The following CEP85 variants were observed in gnomAD, a reference collection of about 807,000 sequenced individuals.
CEP85 encodes the protein centrosomal protein 85, also known as centrosomal protein of 85 kDa.
CEP85 carries 58 observed loss-of-function variants against 93.7 expected under a neutral mutation model. The observed-to-expected ratio is 0.62, with a 90% CI of 0.50 to 0.77. The LOEUF (loss-of-function observed/expected upper bound fraction) is 0.77. CEP85 is among the 30% of genes least tolerant of loss of function. The pLI, the probability that CEP85 is intolerant of heterozygous loss-of-function variation, is 0.00. For synonymous variants in CEP85, 314 were observed against 338.6 expected, an observed-to-expected ratio of 0.93 and a Z score of 0.80; for missense variants, 868 against 922.0, an observed-to-expected ratio of 0.94 and a Z score of 0.76.
At chr1:26,262,563 A>G (rs892105035) in intron 7 of CEP85, among the ~76,000 whole-genome samples, 1 of 152,146 alleles carries the variant, frequency 6.6e-6, no homozygotes, top group Non-Finnish European at 1.5e-5. Flanking sequence ...CTGACAAAGA[A>G]ATGACACTAA....
intron 7 of CEP85, among the ~76,000 whole-genome samples, chr1:26,265,345 C>G (rs952694388): frequency 2.6e-5 from 4 of 151,650 alleles, no homozygotes; most frequent in Non-Finnish European, 5.9e-5. Flanking sequence ...TCTTGAACTC[C>G]TGGCCTCAAT....
At chr1:26,262,043 T>C (rs2089818296) in intron 7 of CEP85, among the ~76,000 whole-genome samples, 1 of 151,936 alleles carries the variant, frequency 6.6e-6, no homozygotes, top group Non-Finnish European at 1.5e-5. Context: ...CACGATGGCT[T>C]ACACCTGTAA....
At chr1:26,266,249 A>G (rs989239516) in intron 7 of CEP85, among the ~76,000 whole-genome samples, 2 of 152,162 alleles carry the variant, frequency 1.3e-5, no homozygotes, top group Non-Finnish European at 2.9e-5. Flanking sequence ...TTAGCTGGGC[A>G]TGGTGGTACA....
rs147375342 is a variant in CEP85 at position 26,274,966 on chromosome 1, C to T, written c.1797C>T (p.Ser599=). Residue 599 remains serine (S), a splice_region_variant and synonymous_variant, in exon 12 of 14, where the codon AGC becomes AGT. Coordinates refer to ENST00000451429, the MANE Select transcript of CEP85 (RefSeq NM_001319944.2). ...KMDQLRSQVQ[S]LEQEVAQEEG... is the part of the protein sequence containing the mutation. ...CAACATCTTGCTGTGTGATTCAGAGCCTAGAGCAGGAAGTGGCTCAAGAAG... is the reference window on the plus strand; with the variant it reads ...CAACATCTTGCTGTGTGATTCAGAGTCTAGAGCAGGAAGTGGCTCAAGAAG... The T allele has an allele frequency of 2.6e-5, 41 of 1,565,078 alleles. No individual in the cohort carries two copies. The African/African-American group carries it at 3.8e-4, about 15-fold the overall frequency.
At chr1:26,275,805 C>G (rs530479442) in intron 12 of CEP85, among the ~76,000 whole-genome samples, 1 of 152,260 alleles carries the variant, frequency 6.6e-6, no homozygotes, top group South Asian at 2.1e-4. Flanking sequence ...GGTGGAGGGC[C>G]TGGGACTGAA....
Position 26,277,130 on chromosome 1 carries a change from C to T in CEP85, c.2129-6C>T, listed in dbSNP as rs763442234. On this transcript the variant is annotated splice_polypyrimidine_tract_variant and splice_region_variant and intron_variant, in intron 13 of 13. Transcript: ENST00000451429. The stretch of plus-strand genomic sequence containing the variant: ...CATTCTCTTGAAATGCTCTTCTCCC[C>T]AGCAGCACAGCACCCAGAGACTCAG... The T allele has an allele frequency of 4.3e-6, 7 of 1,611,700 alleles. No homozygotes were observed. Among genetic ancestry groups the T allele is most frequent in the Non-Finnish European group, 5.9e-6 (7 of 1,177,888 alleles).
At chr1:26,243,768 G>C (rs2089463732) in intron 2 of CEP85, among the ~76,000 whole-genome samples, 1 of 152,162 alleles carries the variant, frequency 6.6e-6, no homozygotes, top group Non-Finnish European at 1.5e-5. Context: ...GGGAGGCCAA[G>C]GCGGGTGGAT....
rs532661750 is a variant in CEP85 at position 26,243,117 on chromosome 1, G to A, written c.56-1049G>A. ...ATTGAGGGTACCCTGGTTCAGTGAA[G>A]CAGTGATTTTCTTTTTTTTTTTTTT... On this transcript the variant is annotated intron_variant, in intron 2 of 13. Transcript: ENST00000451429. Among the ~76,000 whole-genome samples the A allele has an allele frequency of 5.2e-4, 71 of 136,498 alleles. 1 individual carries two copies. Among genetic ancestry groups the A allele is most frequent in the African/African-American group, 1.5e-3 (54 of 36,022 alleles). 89.5% of individuals were successfully genotyped at this position (136,498 alleles called of 152,430 possible). A position where few individuals can be genotyped will look rare whatever the true frequency, so the allele number is the denominator to read the frequency against.
At chr1:26,262,932 T>A (rs375777398) in intron 7 of CEP85, 1 of 152,386 alleles carries the variant, frequency 6.6e-6, no homozygotes, top group East Asian at 1.9e-4. Flanking sequence ...AGATGGGGTT[T>A]CACCATGTTG....
chr1:26,250,695 C>T (rs975492879), intron 3 of CEP85, among the ~76,000 whole-genome samples: 15 of 152,032 alleles, frequency 9.9e-5, no homozygotes, highest in African/African-American at 3.4e-4. Context: ...TTCTTCTTGG[C>T]TTTGGTTTTG....
chr1:26,262,041 C>T (rs2089818194), intron 7 of CEP85, among the ~76,000 whole-genome samples: 1 of 152,124 alleles, frequency 6.6e-6, no homozygotes, highest in African/African-American at 2.4e-5. Context: ...GGCACGATGG[C>T]TTACACCTGT....
chr1:26,262,539 G>C (rs2089827832), intron 7 of CEP85, among the ~76,000 whole-genome samples: 1 of 151,928 alleles, frequency 6.6e-6, no homozygotes, highest in South Asian at 2.1e-4. Context: ...CTGTTGGAAG[G>C]GGAAAAGTCC....
At position 26,277,429 on chromosome 1, in the gene CEP85, C is replaced by A; in HGVS notation, c.*136C>A. On this transcript the variant is annotated 3_prime_UTR_variant, in exon 14 of 14. Coordinates refer to ENST00000451429, the MANE Select transcript of CEP85 (RefSeq NM_001319944.2). ...GAGGGGAGAGCCTGCATCTGGGGGC[C>A]AAGGGCTGATTAGGGAACTGTGTCC... 3 of 777,220 alleles carry A rather than the reference C, an allele frequency of 3.9e-6. No individual in the cohort carries two copies. Among genetic ancestry groups the A allele is most frequent in the Non-Finnish European group, 4.1e-6 (2 of 482,092 alleles). 48.1% of individuals were successfully genotyped at this position (777,220 alleles called of 1,614,324 possible).
chr1:26,243,736 A>G (rs1185223240), intron 2 of CEP85, among the ~76,000 whole-genome samples: 1 of 152,124 alleles, frequency 6.6e-6, no homozygotes, highest in African/African-American at 2.4e-5. Context: ...GCAGTGGCTC[A>G]CACCTGTAAT....
chr1:26,257,163 G>C (rs2089720049), intron 4 of CEP85, among the ~76,000 whole-genome samples: 1 of 152,088 alleles, frequency 6.6e-6, no homozygotes. Flanking sequence ...GAACTCCTGA[G>C]CTTGGGCAAT....
At position 26,251,575 on chromosome 1, in the gene CEP85, A is replaced by C. The variant is rs745409349; in HGVS notation, c.209-3596A>C. 2.0e-4 allele frequency among the ~76,000 whole-genome samples: 31 copies of C among 151,920 alleles called. 1 individual carries two copies. The highest frequency in any genetic ancestry group is 4.4e-5 in the Non-Finnish European group (3 of 67,952). ...CCCAAGCTTGCTTTTATAACAACCCACTGCTTTGAGAACTAACTCACTTCT... is the reference window on the plus strand; with the variant it reads ...CCCAAGCTTGCTTTTATAACAACCCCCTGCTTTGAGAACTAACTCACTTCT... On this transcript the variant is annotated intron_variant, in intron 3 of 13. Transcript: ENST00000451429.
chr1:26,259,481 G>C, intron 6 of CEP85, 136 bp from the exon 7 acceptor site: 1 of 787,500 alleles, frequency 1.3e-6, no homozygotes. Context: ...TTAACCCTAA[G>C]ACCTAGTTGA....
chr1:26,276,436 C>A, intron 12 of CEP85, 99 bp from the exon 13 acceptor site: 2 of 911,456 alleles, frequency 2.2e-6, no homozygotes, highest in Non-Finnish European at 3.5e-6. Context: ...GGGACACTGC[C>A]TATGACTCAC....
rs780164736 is a variant in CEP85, at chr1:26,269,573, C to T, written c.1608C>T (p.Ser536=). Residue 536 remains serine (S), a synonymous_variant, in exon 9 of 14, where the codon AGC becomes AGT. Coordinates refer to ENST00000451429, the MANE Select transcript of CEP85 (RefSeq NM_001319944.2). ...GAGAGAAGGAGATTCAACTGGAAAG[C>T]CTGAGGCAGAGAGAAGCAGAATTCT... ...ICREKEIQLE[S]LRQREAEFSS... 5.4e-5 allele frequency: 87 copies of T among 1,613,886 alleles called. No individual in the cohort carries two copies. The African/African-American group carries it at 7.5e-4, about 14-fold the overall frequency.
Sources: allele counts gnomAD v4.1 joint callset (sites outside exome capture counted in the v4.1 genomes callset), GRCh38; gene constraint gnomAD v4.1.1; transcripts MANE v1.5; gene names NCBI Gene and HGNC (gene_info 2026-07-23, HGNC 2026-07-21).